VCPKMT: variants seen among roughly 807,000 people sequenced by gnomAD.
VCPKMT encodes protein N-lysine methyltransferase METTL21D.
VCPKMT carries 32 observed loss-of-function variants against 28.6 expected under a neutral mutation model. The observed-to-expected ratio is 1.12, with a 90% CI of 0.84 to 1.50. The LOEUF (loss-of-function observed/expected upper bound fraction) is 1.50, where lower values mean the gene tolerates loss of function less well. Among genes scored for constraint, VCPKMT ranks in the 40% most tolerant of loss-of-function variants. The pLI, the probability that VCPKMT is intolerant of heterozygous loss-of-function variation, is 0.00. For synonymous variants in VCPKMT, 138 were observed against 111.4 expected (o/e 1.24, Z -1.50); for missense variants, 366 against 285.0 (o/e 1.28, Z -2.05).
chr14:50,116,167 T>G lies in VCPKMT; in HGVS notation c.279A>C (p.Val93=). The G allele has an allele frequency of 6.2e-7, 1 of 1,614,110 alleles. No individual in the cohort carries two copies. Among genetic ancestry groups the G allele is most frequent in the Non-Finnish European group, 8.5e-7 (1 of 1,180,036 alleles). The change falls in exon 2 of 6, where the codon GTA becomes GTC. Residue 93 remains valine (V), a synonymous_variant. Transcript: ENST00000395860. ...CTTGCAATTCCTCAAGATCGGTGACTACAACATCAGCCCTATAAAATAACG... is the reference window on the plus strand; with the variant it reads ...CTTGCAATTCCTCAAGATCGGTGACGACAACATCAGCCCTATAAAATAACG... ...LMAATLGADV[V]VTDLEELQDL...
At chr14:50,112,786 A>C in intron 4 of VCPKMT, 67 bp from the exon 5 acceptor site, 1 of 1,149,466 alleles carries the variant, frequency 8.7e-7, no homozygotes, top group Non-Finnish European at 1.2e-6. Context: ...GACAGAAGTC[A>C]GAATGCTGGT....
chr14:50,115,791 A>G (rs745650458), intron 3 of VCPKMT, 48 bp downstream of exon 3: 1 of 1,555,772 alleles, frequency 6.4e-7, no homozygotes, highest in Admixed American at 1.8e-5. Context: ...AATTCATGGA[A>G]TAAGGTTCAT....
chr14:50,114,696 T>C (rs1882980528), intron 3 of VCPKMT, among the ~76,000 whole-genome samples: 1 of 152,122 alleles, frequency 6.6e-6, no homozygotes, highest in Admixed American at 6.5e-5. Context: ...ACAAAAAATT[T>C]AAAAATTAGC....
chr14:50,108,906 A>G lies in VCPKMT; in HGVS notation c.*793T>C. On this transcript the variant is annotated 3_prime_UTR_variant, in exon 6 of 6. Coordinates refer to ENST00000395860, the MANE Select transcript of VCPKMT (RefSeq NM_024558.3). ...AACAATACCAGTATTTTTAAGCCAG[A>G]TTTTCCTGGAACATATACATAAAGT... The G allele has an allele frequency of 1.0e-6, 1 of 985,452 alleles. No individual in the cohort carries two copies. The highest frequency in any genetic ancestry group is 1.2e-6 in the Non-Finnish European group (1 of 829,932). 61.0% of individuals were successfully genotyped at this position (985,452 alleles called of 1,614,324 possible). A position where few individuals can be genotyped will look rare whatever the true frequency, so the allele number is the denominator to read the frequency against.
At chr14:50,105,789 C>G (rs1310388536), downstream of VCPKMT, among the ~76,000 whole-genome samples, 1 of 152,204 alleles carries the variant, frequency 6.6e-6, no homozygotes, top group East Asian at 1.9e-4. Flanking sequence ...AGACTCAAGT[C>G]ATTGGAGACT....
chr14:50,104,219 T>C (rs1566800280), downstream of VCPKMT, among the ~76,000 whole-genome samples: 1 of 152,218 alleles, frequency 6.6e-6, no homozygotes, highest in South Asian at 2.1e-4. Context: ...CATTTGCAAA[T>C]GATAGCATCT....
chr14:50,114,163 C>T, intron 4 of VCPKMT, 122 bp downstream of exon 4: 1 of 953,610 alleles, frequency 1.0e-6, no homozygotes, highest in Admixed American at 3.3e-5. Flanking sequence ...AAGATCCTTT[C>T]CTCAGCTTCA....
chr14:50,107,391 T>C (rs1463495161), downstream of VCPKMT, among the ~76,000 whole-genome samples: 1 of 151,992 alleles, frequency 6.6e-6, no homozygotes, highest in African/African-American at 2.4e-5. Context: ...CTCAGCTCAC[T>C]GTAGCCTCCA....
At chr14:50,102,858 C>T in the VCPKMT span, among the ~76,000 whole-genome samples, 16 of 152,014 alleles carry the variant, frequency 1.1e-4, no homozygotes, top group African/African-American at 3.9e-4. Flanking sequence ...AAATGAAGAC[C>T]ACCTATTGAG....
rs1185102950 is a variant in VCPKMT, at chr14:50,112,643, T to C, written c.647A>G (p.His216Arg). The change falls in exon 5 of 6, where the codon CAT becomes CGT. Residue 216 changes from histidine to arginine, a missense_variant. Transcript: ENST00000395860. Reference protein sequence around the residue: ...HDEEYRSEDIHIIYIRKKKSK... With the variant: ...HDEEYRSEDIRIIYIRKKKSK... The stretch of plus-strand genomic sequence containing the variant: ...TTTTTTCTTTCTGATGTATATAATA[T>C]GAATATCTTCACTTCGATACTCTTC... 3 of 1,565,560 alleles carry C rather than the reference T, an allele frequency of 1.9e-6. No homozygotes were observed. Among genetic ancestry groups the C allele is most frequent in the South Asian group, 1.2e-5 (1 of 85,846 alleles).
Position 50,112,191 on chromosome 14 carries a change from G to T in VCPKMT, c.675+424C>A, listed in dbSNP as rs144253396. The stretch of plus-strand genomic sequence containing the variant: ...ATAAATAGCTAATAACTTGTCTGAG[G>T]TAATACCCAATTATAGAGCTATACA... On this transcript the variant is annotated intron_variant, in intron 5 of 5. Transcript: ENST00000395860. 1.5e-4 allele frequency: 62 copies of T among 426,806 alleles called. No homozygotes were observed. In the East Asian group the frequency reaches 8.2e-3, roughly 57 times the overall value. 26.4% of individuals were successfully genotyped at this position (426,806 alleles called of 1,614,324 possible). A position where few individuals can be genotyped will look rare whatever the true frequency, so the allele number is the denominator to read the frequency against.
Position 50,109,305 on chromosome 14 carries a change from A to G in VCPKMT, c.*394T>C. ...AAATTTACTAGTTTGAATTTAAAAC[A>G]TTATTATATAATAGCAGATAGTTCT... is the stretch of plus-strand genomic sequence containing the variant. On this transcript the variant is annotated 3_prime_UTR_variant, in exon 6 of 6. Coordinates refer to ENST00000395860, the MANE Select transcript of VCPKMT (RefSeq NM_024558.3). 2 of 997,874 alleles carry G rather than the reference A, an allele frequency of 2.0e-6. No homozygotes were observed. The highest frequency in any genetic ancestry group is 2.4e-6 in the Non-Finnish European group (2 of 838,024). The allele number at this position is 997,874 out of a possible 1,614,324, so 61.8% of individuals were successfully genotyped here. A position where few individuals can be genotyped will look rare whatever the true frequency, so the allele number is the denominator to read the frequency against.
In VCPKMT at chr14:50,116,284, T is replaced by C; in HGVS notation, c.266+3A>G. ...CACATCCCGCCCGCCCGCCAGCTCT[T>C]ACCCGAGGGTAGCAGCCATGAGCCC... On this transcript the variant is annotated splice_donor_region_variant and intron_variant, in intron 1 of 5. Transcript: ENST00000395860. The C allele has an allele frequency of 1.9e-6, 3 of 1,605,408 alleles. No individual in the cohort carries two copies. The highest frequency in any genetic ancestry group is 2.6e-6 in the Non-Finnish European group (3 of 1,176,132).
downstream of VCPKMT, among the ~76,000 whole-genome samples, chr14:50,107,048 A>T (rs146783884): frequency 6.6e-6 from 1 of 152,164 alleles, no homozygotes; most frequent in Admixed American, 6.5e-5. Flanking sequence ...GTGCAGGTAC[A>T]ACTTGTTATC....
At chr14:50,111,066 G>C in intron 5 of VCPKMT, 1 of 617,028 alleles carries the variant, frequency 1.6e-6, no homozygotes. Context: ...TTAGAAAGTG[G>C]TAATTTACAC....
chr14:50,110,299 G>C (rs1002752414), intron 5 of VCPKMT, among the ~76,000 whole-genome samples: 1 of 152,180 alleles, frequency 6.6e-6, no homozygotes, highest in East Asian at 1.9e-4. Flanking sequence ...ACACTATTGA[G>C]AAAATGAAAA....
downstream of VCPKMT, chr14:50,106,693 CTA>C (rs1439911481): frequency 1.0e-6 from 1 of 964,238 alleles, no homozygotes. Context: ...TCTTGAATCT[CTA>C]GTTACTTCCT....
chr14:50,112,397 A>C (rs1367386686), intron 5 of VCPKMT, among the ~76,000 whole-genome samples: 1 of 20,790 alleles, frequency 4.8e-5, no homozygotes, highest in Non-Finnish European at 1.1e-4. Flanking sequence ...AAATACGAGA[A>C]AAAAAAAAAA....
At chr14:50,114,893 T>C (rs951667204) in intron 3 of VCPKMT, among the ~76,000 whole-genome samples, 8 of 152,072 alleles carry the variant, frequency 5.3e-5, no homozygotes, top group African/African-American at 1.4e-4. Context: ...TAACTAATGA[T>C]TGGGTAAGCT....
Sources: gnomAD v4.1 joint callset for allele counts (sites outside exome capture counted in the v4.1 genomes callset) on GRCh38, gnomAD v4.1.1 for gene constraint, MANE v1.5 for transcripts, NCBI Gene and HGNC (gene_info 2026-07-23, HGNC 2026-07-21) for gene names.